Variants in FMN1 observed in about 807,000 individuals in gnomAD.
FMN1 encodes the protein formin 1.
Under a neutral mutation model 132.4 loss-of-function variants are expected in FMN1, and 110 were observed. The ratio of observed to expected loss-of-function variants is 0.83; its 90% confidence interval spans 0.71 to 0.97. FMN1 has a LOEUF of 0.97. Ranked by LOEUF, FMN1 falls within the 50% of genes least tolerant of loss-of-function variation. FMN1 has a pLI of 0.00. For synonymous variants in FMN1, 722 were observed against 651.7 expected, an observed-to-expected ratio of 1.11 and a Z score of -1.64; for missense variants, 1,792 against 1,705.3, an observed-to-expected ratio of 1.05 and a Z score of -0.90.
intron 6 of FMN1, among the ~76,000 whole-genome samples, chr15:33,016,913 C>CT (rs1180128953): frequency 5.3e-5 from 8 of 152,204 alleles, no homozygotes; most frequent in Admixed American, 3.3e-4. Flanking sequence ...GTTTTCTACA[C>CT]TTTCTCTTGC....
At chr15:33,018,694 G>A (rs942099556) in intron 6 of FMN1, among the ~76,000 whole-genome samples, 3 of 152,168 alleles carry the variant, frequency 2.0e-5, no homozygotes, top group East Asian at 1.9e-4. Flanking sequence ...TGAAGCTGCG[G>A]ACCCTTGCCA....
intron 4 of FMN1, among the ~76,000 whole-genome samples, chr15:33,140,011 A>AT (rs1348223538): frequency 6.6e-6 from 1 of 152,118 alleles, no homozygotes; most frequent in African/African-American, 2.4e-5. Flanking sequence ...GAGATATTTT[A>AT]TTTTTTAAAA....
chr15:32,973,926 T>A (rs548613016), intron 7 of FMN1, among the ~76,000 whole-genome samples: 3 of 152,196 alleles, frequency 2.0e-5, no homozygotes, highest in African/African-American at 7.2e-5. Context: ...GATACACAGC[T>A]AGAAAGACTG....
rs768174007 is a variant in FMN1, at chr15:33,153,357, C to G, written c.1558G>C (p.Val520Leu). 5.2e-6 allele frequency: 8 copies of G among 1,536,276 alleles called. No homozygotes were observed. Among genetic ancestry groups the G allele is most frequent in the Non-Finnish European group, 7.0e-6 (8 of 1,146,954 alleles). Residue 520 changes from valine to leucine, a missense_variant, in exon 4 of 21, where the codon GTT (valine) becomes CTT (leucine). Physicochemically the swap from Val to Leu is conservative, Grantham distance 32. Coordinates refer to ENST00000616417, the MANE Select transcript of FMN1 (RefSeq NM_001277313.2). ...AGCCTTGGAGACAGAGGCGAGGGAA[C>G]AGGTGACGTCTGTTTGTGTGTGCTG... ...QSSTHKQTSP[V>L]PSPLSPRLPS...
chr15:32,816,190 C>T (rs1402934192), intron 17 of FMN1, among the ~76,000 whole-genome samples: 5 of 152,162 alleles, frequency 3.3e-5, no homozygotes, highest in East Asian at 1.9e-4. Flanking sequence ...CTTAGTAATA[C>T]GTGTATCCCT....
chr15:33,152,890 C>G (rs1232580238), intron 4 of FMN1, among the ~76,000 whole-genome samples, 158 bp downstream of exon 4: 1 of 151,886 alleles, frequency 6.6e-6, no homozygotes, highest in African/African-American at 2.4e-5. Context: ...ATCTCCACAC[C>G]CCGCTGTTCC....
At chr15:32,798,216 A>ACACACACACACACCC (rs1286307994) in intron 19 of FMN1, among the ~76,000 whole-genome samples, 1 of 140,876 alleles carries the variant, frequency 7.1e-6, no homozygotes, top group African/African-American at 2.6e-5. Flanking sequence ...ACACACACAC[A>ACACACACACACACCC]CCCCGTCTAT....
intron 10 of FMN1, among the ~76,000 whole-genome samples, chr15:32,916,353 G>T (rs1218189978): frequency 3.3e-5 from 5 of 152,186 alleles, no homozygotes; most frequent in African/African-American, 1.2e-4. Context: ...TATAAACAAA[G>T]AATGCACTTG....
chr15:32,899,334 T>C (rs549030687), intron 14 of FMN1, among the ~76,000 whole-genome samples: 1 of 152,228 alleles, frequency 6.6e-6, no homozygotes, highest in Admixed American at 6.5e-5. Flanking sequence ...CACACCACTT[T>C]ATGACCCCGG....
intron 5 of FMN1, among the ~76,000 whole-genome samples, chr15:33,083,834 C>T (rs2038584309): frequency 6.6e-6 from 1 of 152,114 alleles, no homozygotes; most frequent in Non-Finnish European, 1.5e-5. Context: ...TACAGGATGT[C>T]ATAAAGAAGC....
intron 9 of FMN1, among the ~76,000 whole-genome samples, chr15:32,939,609 A>G (rs1237507249): frequency 3.3e-5 from 5 of 152,200 alleles, no homozygotes; most frequent in African/African-American, 7.2e-5. Flanking sequence ...TATATTCATT[A>G]TTAGTAAGCT....
At position 33,077,339 on chromosome 15, in the gene FMN1, CTTTT is replaced by C. The variant is rs1286397800; in HGVS notation, c.2043+11456_2043+11459del. On this transcript the variant is annotated intron_variant, in intron 5 of 20. Coordinates refer to ENST00000616417, the MANE Select transcript of FMN1 (RefSeq NM_001277313.2). The stretch of plus-strand genomic sequence containing the variant: ...TGTGAGCCACTGCGCCCGGCCCATC[CTTTT>C]TTTTTTTTTTAATATATATATATAT... Among the ~76,000 whole-genome samples the C allele has an allele frequency of 2.3e-5, 3 of 128,060 alleles. No individual in the cohort carries two copies. In the Admixed American group the frequency reaches 2.6e-4, roughly 11 times the overall value. The allele number at this position is 128,060 out of a possible 152,430, so 84.0% of individuals were successfully genotyped here.
chr15:33,091,589 G>A (rs1011835322), intron 4 of FMN1, among the ~76,000 whole-genome samples: 2 of 152,114 alleles, frequency 1.3e-5, no homozygotes, highest in Non-Finnish European at 2.9e-5. Flanking sequence ...ACTGAAATAA[G>A]TAACATAAAA....
At chr15:33,025,857 T>C (rs747749225) in intron 6 of FMN1, among the ~76,000 whole-genome samples, 5 of 152,132 alleles carry the variant, frequency 3.3e-5, no homozygotes, top group Non-Finnish European at 5.9e-5. Flanking sequence ...TCAAGAACTT[T>C]CAACAAACTT....
At chr15:33,069,830 A>G (rs1191777703) in intron 5 of FMN1, among the ~76,000 whole-genome samples, 1 of 152,092 alleles carries the variant, frequency 6.6e-6, no homozygotes, top group Non-Finnish European at 1.5e-5. Flanking sequence ...GCACTTAATC[A>G]AAAAGCCACC....
At chr15:33,066,405 A>G in intron 5 of FMN1, 1 of 977,806 alleles carries the variant, frequency 1.0e-6, no homozygotes, top group Non-Finnish European at 1.5e-6. Flanking sequence ...TTTTTCAACT[A>G]AAAGAATCAC....
intron 4 of FMN1, among the ~76,000 whole-genome samples, chr15:33,136,260 G>C (rs1474865445): frequency 6.6e-6 from 1 of 152,204 alleles, no homozygotes; most frequent in Non-Finnish European, 1.5e-5. Context: ...CACTCAAAGA[G>C]AGATGTCATT....
chr15:33,159,160 T>C (rs760539560), intron 3 of FMN1, among the ~76,000 whole-genome samples: 2 of 152,140 alleles, frequency 1.3e-5, no homozygotes, highest in Non-Finnish European at 2.9e-5. Context: ...CCAGCGTGGG[T>C]GAAAGAGTGA....
intron 10 of FMN1, among the ~76,000 whole-genome samples, chr15:32,916,827 G>A (rs2060696308): frequency 6.6e-6 from 1 of 152,082 alleles, no homozygotes; most frequent in African/African-American, 2.4e-5. Context: ...TAGCTGCTTT[G>A]CCCAAAATAC....
Sources: allele counts gnomAD v4.1 joint callset (sites outside exome capture counted in the v4.1 genomes callset), GRCh38; gene constraint gnomAD v4.1.1; transcripts MANE v1.5; gene names NCBI Gene and HGNC (gene_info 2026-07-23, HGNC 2026-07-21).